The following NGRN variants were observed in gnomAD, a reference collection of about 807,000 sequenced individuals.
NGRN encodes neugrin, neurite outgrowth associated, also known as neugrin.
Under a neutral mutation model 13.1 loss-of-function variants are expected in NGRN, and 12 were observed. That is an observed-to-expected ratio of 0.92 (90% CI 0.59 to 1.49). NGRN has a LOEUF of 1.49. NGRN is among the 40% of genes most tolerant of loss of function. The probability of loss-of-function intolerance (pLI) is 0.00; values close to 1 mark genes in which losing one functional copy is unlikely to be tolerated. For missense variants in NGRN, 397 were observed against 357.0 expected, an observed-to-expected ratio of 1.11 and a Z score of -0.90; for synonymous variants, 149 against 145.8, an observed-to-expected ratio of 1.02 and a Z score of -0.16.
chr15:90,269,189 G>GTTTTTTTTTTT (rs1567083100), intron 2 of NGRN, among the ~76,000 whole-genome samples: 2 of 122,752 alleles, frequency 1.6e-5, no homozygotes, highest in Non-Finnish European at 3.2e-5. Flanking sequence ...TTTTTTTTTG[G>GTTTTTTTTTTT]ATTTTTAGTA....
chr15:90,265,788 G>A lies in NGRN; in HGVS notation c.76G>A (p.Gly26Arg). Residue 26 changes from glycine to arginine, a missense_variant, in exon 1 of 3, where the codon GGG becomes AGG. Coordinates refer to ENST00000379095, the MANE Select transcript of NGRN (RefSeq NM_001033088.3). ...CACTCGCTGTGGGTTCGCGACCCGG[G>A]GGGTGGCGGGCCCAGGCCCTATTGG... is the stretch of plus-strand genomic sequence containing the variant. ...AVTRCGFATR[G>R]VAGPGPIGRE... 3.1e-6 allele frequency: 5 copies of A among 1,612,684 alleles called. No individual in the cohort carries two copies. The highest frequency in any genetic ancestry group is 3.4e-6 in the Non-Finnish European group (4 of 1,179,628).
At position 90,271,580 on chromosome 15, in the gene NGRN, C is replaced by G. The variant is rs1274695413; in HGVS notation, c.668C>G (p.Pro223Arg). ...EIQDLEESFV[P>R]VAAPLGHPRE... ...CAGGACCTGGAGGAGAGCTTTGTGCCTGTTGCTGCACCCCTAGGTCATCCA... is the reference window on the plus strand; with the variant it reads ...CAGGACCTGGAGGAGAGCTTTGTGCGTGTTGCTGCACCCCTAGGTCATCCA... The change falls in exon 3 of 3, where the codon CCT (proline) becomes CGT (arginine). Residue 223 changes from proline to arginine, a missense_variant. Transcript: ENST00000379095. 5.0e-6 allele frequency: 8 copies of G among 1,614,054 alleles called. No individual in the cohort carries two copies. Among genetic ancestry groups the G allele is most frequent in the Non-Finnish European group, 6.8e-6 (8 of 1,180,030 alleles).
intron 2 of NGRN, among the ~76,000 whole-genome samples, chr15:90,269,155 C>G (rs1018937753): frequency 6.9e-6 from 1 of 145,568 alleles, no homozygotes; most frequent in African/African-American, 2.6e-5. Context: ...ACCACTATAC[C>G]TGGCTAATTT....
chr15:90,266,185 A>T, intron 1 of NGRN, 103 bp from the exon 2 acceptor site: 3 of 1,488,130 alleles, frequency 2.0e-6, no homozygotes, highest in Non-Finnish European at 2.7e-6. Flanking sequence ...TGCCCTTGCG[A>T]TCAAAGAGAA....
intron 2 of NGRN, among the ~76,000 whole-genome samples, chr15:90,269,162 A>ATTTTT (rs34266380): frequency 1.1e-5 from 1 of 89,618 alleles, no homozygotes; most frequent in African/African-American, 5.5e-5. Context: ...TACCTGGCTA[A>ATTTTT]TTTTTTTTTT....
intron 2 of NGRN, among the ~76,000 whole-genome samples, chr15:90,270,585 C>T (rs1438880220): frequency 6.6e-6 from 1 of 152,160 alleles, no homozygotes; most frequent in Non-Finnish European, 1.5e-5. Flanking sequence ...TTTATTTTGT[C>T]TGTCCCCACT....
chr15:90,266,466 G>A (rs1963424118), intron 2 of NGRN, 68 bp downstream of exon 2: 1 of 1,302,274 alleles, frequency 7.7e-7, no homozygotes, highest in Non-Finnish European at 1.1e-6. Context: ...GCCCAGAAAC[G>A]GGTTTGGCTT....
In NGRN at chr15:90,271,592, C is replaced by T. The variant is rs777695911; in HGVS notation, c.680C>T (p.Pro227Leu). ...LEESFVPVAA[P>L]LGHPRELQKY... ...GAGAGCTTTGTGCCTGTTGCTGCAC[C>T]CCTAGGTCATCCAAGAGAGCTGCAG... Residue 227 changes from proline to leucine, a missense_variant, in exon 3 of 3, where the codon CCC becomes CTC. Coordinates refer to ENST00000379095, the MANE Select transcript of NGRN (RefSeq NM_001033088.3). 4 of 1,614,060 alleles carry T rather than the reference C, an allele frequency of 2.5e-6. No individual in the cohort carries two copies. Among genetic ancestry groups the T allele is most frequent in the Admixed American group, 1.7e-5 (1 of 59,996 alleles).
intron 2 of NGRN, among the ~76,000 whole-genome samples, chr15:90,269,172 T>C (rs1281616136): frequency 8.7e-4 from 115 of 131,896 alleles, no homozygotes; most frequent in African/African-American, 3.3e-3. Context: ...ATTTTTTTTT[T>C]TTTTTTTTTT....
At chr15:90,270,808 T>C (rs930558525) in intron 2 of NGRN, among the ~76,000 whole-genome samples, 8 of 152,228 alleles carry the variant, frequency 5.3e-5, no homozygotes, top group Non-Finnish European at 1.2e-4. Flanking sequence ...AGATAGGGAC[T>C]ACATTTGCGG....
chr15:90,267,753 A>G (rs1963450118), intron 2 of NGRN, among the ~76,000 whole-genome samples: 1 of 152,250 alleles, frequency 6.6e-6, no homozygotes, highest in Non-Finnish European at 1.5e-5. Context: ...ATCATTCTGC[A>G]TACCTGCCAG....
In NGRN at chr15:90,265,684, C is replaced by T; in HGVS notation, c.-29C>T. 6.2e-7 allele frequency: 1 copy of T among 1,612,342 alleles called. No individual in the cohort carries two copies. Among genetic ancestry groups the T allele is most frequent in the South Asian group, 1.1e-5 (1 of 90,996 alleles). ...GGCTACTTCCGCTGCTGTTTCGTAGCCGACTGCTGAAGGCTGGTTTGCGTC... is the reference window on the plus strand; with the variant it reads ...GGCTACTTCCGCTGCTGTTTCGTAGTCGACTGCTGAAGGCTGGTTTGCGTC... On this transcript the variant is annotated 5_prime_UTR_variant, in exon 1 of 3. Coordinates refer to ENST00000379095, the MANE Select transcript of NGRN (RefSeq NM_001033088.3).
chr15:90,270,999 C>G (rs1434796311), intron 2 of NGRN, among the ~76,000 whole-genome samples, 189 bp from the exon 3 acceptor site: 1 of 152,026 alleles, frequency 6.6e-6, no homozygotes, highest in Non-Finnish European at 1.5e-5. Context: ...GGCTCAGGCA[C>G]AAGAATCACT....
At chr15:90,269,162 ATTTT>A (rs34266380) in intron 2 of NGRN, among the ~76,000 whole-genome samples, 2 of 89,630 alleles carry the variant, frequency 2.2e-5, no homozygotes, top group African/African-American at 5.5e-5. Flanking sequence ...TACCTGGCTA[ATTTT>A]TTTTTTTTTT....
rs1963419510 is a variant in NGRN at position 90,266,337 on chromosome 15, C to G, written c.214C>G (p.Gln72Glu). 4.3e-6 allele frequency: 7 copies of G among 1,613,910 alleles called. No individual in the cohort carries two copies. Among genetic ancestry groups the G allele is most frequent in the Non-Finnish European group, 5.9e-6 (7 of 1,179,932 alleles). Residue 72 changes from glutamine (Q) to glutamate (E), a missense_variant, in exon 2 of 3, where the codon CAA becomes GAA. Physicochemically the swap from Gln to Glu is conservative, Grantham distance 29. Coordinates refer to ENST00000379095, the MANE Select transcript of NGRN (RefSeq NM_001033088.3). Reference sequence around the variant, plus strand: ...AATCCGATTCCAGAAAATTCGGAGGCAAATGGAGGCGCCTGGTGCCCCGCC... The same window carrying G: ...AATCCGATTCCAGAAAATTCGGAGGGAAATGGAGGCGCCTGGTGCCCCGCC... Reference protein sequence around the residue: ...QAIRFQKIRRQMEAPGAPPRT... With the variant: ...QAIRFQKIRREMEAPGAPPRT...
chr15:90,266,106 G>A, intron 1 of NGRN, 182 bp from the exon 2 acceptor site: 12 of 1,438,094 alleles, frequency 8.3e-6, no homozygotes, highest in Non-Finnish European at 1.1e-5. Context: ...ATGCTTACAG[G>A]CAGTTATTGT....
Position 90,270,111 on chromosome 15 carries a change from G to T in NGRN, c.276-1077G>T, listed in dbSNP as rs540028830. Among the ~76,000 whole-genome samples, 22 of 152,056 alleles carry T rather than the reference G, an allele frequency of 1.4e-4. No homozygotes were observed. In the South Asian group the frequency reaches 4.6e-3, roughly 32 times the overall value. On this transcript the variant is annotated intron_variant, in intron 2 of 2. Coordinates refer to ENST00000379095, the MANE Select transcript of NGRN (RefSeq NM_001033088.3). The stretch of plus-strand genomic sequence containing the variant: ...TGGGATCTCCCTGTTTCCCAGGCTG[G>T]TCTCGAACTCCTGGGCTCAAGCAAT...
intron 1 of NGRN, 49 bp downstream of exon 1, chr15:90,265,925 C>T (rs929409139): frequency 4.2e-6 from 6 of 1,440,024 alleles, no homozygotes; most frequent in Admixed American, 3.0e-5. Context: ...CCTCGTGCCC[C>T]GGCGCTCCAG....
rs758436301 is a variant in NGRN at position 90,265,816 on chromosome 15, G to A, written c.104G>A (p.Arg35Gln). 2 of 1,610,342 alleles carry A rather than the reference G, an allele frequency of 1.2e-6. No individual in the cohort carries two copies. The highest frequency in any genetic ancestry group is 2.7e-5 in the African/African-American group (2 of 74,798). ...GTGGCGGGCCCAGGCCCTATTGGCC[G>A]GGAGCCGGACCCCGATTCCGACTGG... Reference protein sequence around the residue: ...RGVAGPGPIGREPDPDSDWEP... With the variant: ...RGVAGPGPIGQEPDPDSDWEP... Residue 35 changes from arginine to glutamine, a missense_variant, in exon 1 of 3, where the codon CGG becomes CAG. Transcript: ENST00000379095.
Sources: allele counts gnomAD v4.1 joint callset (sites outside exome capture counted in the v4.1 genomes callset), GRCh38; gene constraint gnomAD v4.1.1; transcripts MANE v1.5; gene names NCBI Gene and HGNC (gene_info 2026-07-23, HGNC 2026-07-21).